The following FARS2 variants were observed in gnomAD, a reference collection of about 807,000 sequenced individuals.
The protein encoded by FARS2 is phenylalanyl-tRNA synthetase 2, mitochondrial.
In FARS2, 40 loss-of-function variants were observed where a neutral mutation model predicts 46.4. The ratio of observed to expected loss-of-function variants is 0.86; its 90% CI spans 0.67 to 1.12. The LOEUF (loss-of-function observed/expected upper bound fraction) is 1.12, where lower values mean the gene tolerates loss of function less well. Among genes scored for constraint, FARS2 ranks in the 50% most tolerant of loss-of-function variants. The probability of loss-of-function intolerance (pLI) is 0.00; values close to 1 mark genes in which losing one functional copy is unlikely to be tolerated. For synonymous variants in FARS2, 234 were observed against 214.9 expected, an observed-to-expected ratio of 1.09 and a Z score of -0.78; for missense variants, 513 against 567.9, an observed-to-expected ratio of 0.90 and a Z score of 0.98.
Position 5,638,841 on chromosome 6 carries a change from C to A in FARS2, c.1217+25521C>A, listed in dbSNP as rs550267328. On this transcript the variant is annotated intron_variant, in intron 6 of 6. Coordinates refer to ENST00000274680, the MANE Select transcript of FARS2 (RefSeq NM_006567.5). ...GCCACCACCAGGATAGGGGCCTCCA[C>A]TGGGCAGAGCTCAGGCCACTCACAG... Among the ~76,000 whole-genome samples the A allele has an allele frequency of 4.5e-4, 69 of 152,346 alleles. No individual in the cohort carries two copies. The South Asian group carries it at 6.0e-3, about 13-fold the overall frequency.
intron 5 of FARS2, among the ~76,000 whole-genome samples, chr6:5,601,376 T>C (rs888195684): frequency 6.6e-6 from 1 of 151,490 alleles, no homozygotes; most frequent in Non-Finnish European, 1.5e-5. Context: ...ACAAAAAAAT[T>C]AGCCAGGCAT....
chr6:5,387,280 C>T (rs2432755), intron 2 of FARS2, among the ~76,000 whole-genome samples: 101,158 of 151,996 alleles, frequency 0.67, 34,266 homozygotes, highest in African/African-American at 0.78. Context: ...ATCCAAGACG[C>T]GAGGAGATGG....
intron 6 of FARS2, among the ~76,000 whole-genome samples, chr6:5,753,393 A>G (rs1390570123): frequency 3.3e-5 from 5 of 152,170 alleles, no homozygotes; most frequent in African/African-American, 1.2e-4. Context: ...TGCCAACAAG[A>G]TATTAGATCC....
intron 5 of FARS2, among the ~76,000 whole-genome samples, chr6:5,576,342 A>C (rs1772961111): frequency 6.6e-6 from 1 of 152,044 alleles, no homozygotes; most frequent in Non-Finnish European, 1.5e-5. Context: ...TAAAGCAGGC[A>C]GAAAAAAATG....
At chr6:5,488,854 G>A (rs1394493278) in intron 4 of FARS2, among the ~76,000 whole-genome samples, 1 of 152,104 alleles carries the variant, frequency 6.6e-6, no homozygotes, top group Non-Finnish European at 1.5e-5. Flanking sequence ...GTACATGCCT[G>A]TTTCTTTTTC....
chr6:5,565,954 T>G (rs1772298794), intron 5 of FARS2, among the ~76,000 whole-genome samples: 1 of 152,258 alleles, frequency 6.6e-6, no homozygotes, highest in Non-Finnish European at 1.5e-5. Flanking sequence ...TTCGTTTACA[T>G]GAAACCGTGT....
Position 5,643,043 on chromosome 6 carries a change from C to G in FARS2, c.1217+29723C>G, listed in dbSNP as rs1776902185. ...CTTAAAGAGAACGACATTATGGGTT[C>G]AGAGCATGAGTTTCAGGAAAAAGCT... On this transcript the variant is annotated intron_variant, in intron 6 of 6. Transcript: ENST00000274680. Among the ~76,000 whole-genome samples the G allele has an allele frequency of 2.0e-5, 3 of 152,208 alleles. No individual in the cohort carries two copies. The South Asian group carries it at 6.2e-4, about 31-fold the overall frequency.
At chr6:5,656,033 A>G (rs1019180962) in intron 6 of FARS2, among the ~76,000 whole-genome samples, 5 of 152,132 alleles carry the variant, frequency 3.3e-5, no homozygotes, top group Non-Finnish European at 7.3e-5. Context: ...CTGGACTTGA[A>G]CTCCAGGTAT....
intron 1 of FARS2, among the ~76,000 whole-genome samples, chr6:5,350,388 AAGAGGTTAGTC>A (rs1455736312): frequency 1.3e-5 from 2 of 152,136 alleles, no homozygotes; most frequent in African/African-American, 4.8e-5. Context: ...AAAATTTTAA[AAGAGGTTAGTC>A]AGTAGGATCA....
At chr6:5,426,878 A>G (rs768875562) in intron 3 of FARS2, among the ~76,000 whole-genome samples, 12 of 152,238 alleles carry the variant, frequency 7.9e-5, no homozygotes, top group Admixed American at 1.3e-4. Flanking sequence ...TGTCCGCCTC[A>G]GCCTCCTGAA....
At chr6:5,475,551 T>C (rs1310278031) in intron 4 of FARS2, among the ~76,000 whole-genome samples, 1 of 152,182 alleles carries the variant, frequency 6.6e-6, no homozygotes, top group Non-Finnish European at 1.5e-5. Flanking sequence ...AAACTTCCCA[T>C]GCAGCTTCAG....
At chr6:5,447,616 A>G (rs572173616) in intron 4 of FARS2, among the ~76,000 whole-genome samples, 99 of 152,344 alleles carry the variant, frequency 6.5e-4, no homozygotes, top group African/African-American at 2.3e-3. Flanking sequence ...AATGCTACTC[A>G]TCATCCCTAC....
chr6:5,644,439 C>G (rs1455169984), intron 6 of FARS2, among the ~76,000 whole-genome samples: 1 of 152,188 alleles, frequency 6.6e-6, no homozygotes, highest in Non-Finnish European at 1.5e-5. Context: ...TGGTCTTGAA[C>G]TGAGCTCAAG....
At chr6:5,362,172 A>G (rs1758346466) in intron 1 of FARS2, among the ~76,000 whole-genome samples, 1 of 152,232 alleles carries the variant, frequency 6.6e-6, no homozygotes, top group South Asian at 2.1e-4. Context: ...CATTCCAGGC[A>G]GCTGTATTCC....
chr6:5,667,530 A>AG (rs1244244106), intron 6 of FARS2, among the ~76,000 whole-genome samples: 7 of 97,510 alleles, frequency 7.2e-5, no homozygotes, highest in African/African-American at 3.1e-4. Flanking sequence ...GAAAAAAAAA[A>AG]AAAGATTATA....
chr6:5,472,703 A>C (rs1765872752), intron 4 of FARS2, among the ~76,000 whole-genome samples: 1 of 152,140 alleles, frequency 6.6e-6, no homozygotes, highest in Non-Finnish European at 1.5e-5. Flanking sequence ...TCCAAGGTGC[A>C]ATTATCTCGT....
At chr6:5,629,068 C>G (rs1776169547) in intron 6 of FARS2, among the ~76,000 whole-genome samples, 2 of 152,182 alleles carry the variant, frequency 1.3e-5, no homozygotes, top group Admixed American at 1.3e-4. Flanking sequence ...GGCTGAAAAT[C>G]AGCACCATGT....
chr6:5,263,843 A>G (rs1316150278), intron 1 of FARS2, among the ~76,000 whole-genome samples: 1 of 152,236 alleles, frequency 6.6e-6, no homozygotes. Context: ...ACAACAATTT[A>G]CTGTCCTTAA....
chr6:5,692,413 C>G (rs1290747836), intron 6 of FARS2, among the ~76,000 whole-genome samples: 2 of 152,122 alleles, frequency 1.3e-5, no homozygotes, highest in Non-Finnish European at 2.9e-5. Context: ...CTTTTTGTAT[C>G]TTTTGGCAAA....
Sources: allele counts gnomAD v4.1 joint callset (sites outside exome capture counted in the v4.1 genomes callset), GRCh38; gene constraint gnomAD v4.1.1; transcripts MANE v1.5; gene names NCBI Gene and HGNC (gene_info 2026-07-23, HGNC 2026-07-21).